MED13L: variants seen among roughly 807,000 people sequenced by gnomAD.
MED13L encodes the protein mediator of RNA polymerase II transcription subunit 13-like.
In MED13L, 7 loss-of-function variants were observed where a neutral mutation model predicts 220.9. That is an observed-to-expected ratio of 0.03 (90% CI 0.02 to 0.06). MED13L has a LOEUF of 0.06. Ranked by LOEUF, MED13L falls within the 10% of genes least tolerant of loss-of-function variation. The pLI is 1.00. For missense variants in MED13L, 1,965 were observed against 2,760.5 expected (o/e 0.71, Z 6.46); for synonymous variants, 1,011 against 1,015.2 (o/e 1.00, Z 0.08).
intron 4 of MED13L, among the ~76,000 whole-genome samples, chr12:116,033,157 G>A (rs1321330597): frequency 1.3e-5 from 2 of 151,968 alleles, no homozygotes; most frequent in East Asian, 3.9e-4. Context: ...ACTTTATAGA[G>A]GGGTTTGTTC....
chr12:116,104,918 C>A (rs748721647), intron 3 of MED13L, among the ~76,000 whole-genome samples: 3 of 152,198 alleles, frequency 2.0e-5, no homozygotes, highest in Admixed American at 6.5e-5. Flanking sequence ...GTACAAATCA[C>A]TGAAGCAATA....
In MED13L at chr12:116,007,031, G is replaced by C. The variant is rs547531154; in HGVS notation, c.2238+380C>G. The stretch of plus-strand genomic sequence containing the variant: ...GCTCAGCACAGTAAGGATAAGAAGC[G>C]CTCGATAAATTGTGTATACCTACTG... On this transcript the variant is annotated intron_variant, in intron 11 of 30. Transcript: ENST00000281928. 5.4e-4 allele frequency: 163 copies of C among 299,632 alleles called. 1 individual carries two copies. The highest frequency in any genetic ancestry group is 3.4e-3 in the African/African-American group (157 of 46,638). The allele number at this position is 299,632 out of a possible 1,614,324, so 18.6% of individuals were successfully genotyped here. A position where few individuals can be genotyped will look rare whatever the true frequency, so the allele number is the denominator to read the frequency against.
rs917350978 is a variant in MED13L, at chr12:116,189,352, A to AT, written c.310+48115dup. ...CCCATCTTCTAATTGGACTAGTTGG[A>AT]TTTTTTTTTAATACTTTGCGTTGAG... On this transcript the variant is annotated intron_variant, in intron 2 of 30. Transcript: ENST00000281928. 5.3e-5 allele frequency among the ~76,000 whole-genome samples: 8 copies of AT among 151,230 alleles called. No individual in the cohort carries two copies. The East Asian group carries it at 5.8e-4, about 11-fold the overall frequency.
At chr12:116,249,874 C>T (rs972726928) in intron 1 of MED13L, among the ~76,000 whole-genome samples, 1 of 150,300 alleles carries the variant, frequency 6.7e-6, no homozygotes, top group Non-Finnish European at 1.5e-5. Flanking sequence ...CAGTATCAGG[C>T]AATCTAACAT....
At chr12:116,102,599 G>C (rs1873147575) in intron 3 of MED13L, among the ~76,000 whole-genome samples, 1 of 149,828 alleles carries the variant, frequency 6.7e-6, no homozygotes, top group African/African-American at 2.5e-5. Flanking sequence ...CTCCTTCCTA[G>C]AAATTACAAT....
chr12:116,063,910 G>A (rs201663229), intron 4 of MED13L, among the ~76,000 whole-genome samples: 1 of 152,064 alleles, frequency 6.6e-6, no homozygotes, highest in Non-Finnish European at 1.5e-5. Flanking sequence ...TGGGCTGGGC[G>A]CATGGTTTGT....
At chr12:115,963,589 G>A in intron 29 of MED13L, 70 bp from the exon 30 acceptor site, 1 of 1,173,372 alleles carries the variant, frequency 8.5e-7, no homozygotes, top group South Asian at 1.3e-5. Flanking sequence ...GGGAGGCCAT[G>A]TCTGCCAGAA....
chr12:116,072,482 C>G (rs778195092), intron 4 of MED13L, among the ~76,000 whole-genome samples: 6 of 151,096 alleles, frequency 4.0e-5, no homozygotes, highest in Non-Finnish European at 8.8e-5. Flanking sequence ...GATGGAGTCT[C>G]GCTCTGCCGC....
chr12:116,210,879 T>C (rs1171393723), intron 2 of MED13L, among the ~76,000 whole-genome samples: 1 of 152,092 alleles, frequency 6.6e-6, no homozygotes, highest in Non-Finnish European at 1.5e-5. Flanking sequence ...CATTTATAAA[T>C]GAAAGCTCAC....
chr12:116,028,233 T>C (rs746941610), intron 4 of MED13L, among the ~76,000 whole-genome samples: 1 of 152,184 alleles, frequency 6.6e-6, no homozygotes, highest in Non-Finnish European at 1.5e-5. Context: ...AGATAAGGGG[T>C]TCTATGAATA....
intron 16 of MED13L, 111 bp downstream of exon 16, chr12:115,996,365 T>A (rs1239727946): frequency 3.2e-6 from 4 of 1,241,520 alleles, no homozygotes; most frequent in Non-Finnish European, 4.7e-6. Flanking sequence ...GTGCTGGGAT[T>A]ACAGGCATGA....
intron 4 of MED13L, among the ~76,000 whole-genome samples, chr12:116,048,494 T>C (rs897411003): frequency 3.9e-5 from 6 of 152,132 alleles, no homozygotes; most frequent in South Asian, 2.1e-4. Flanking sequence ...AATGAAGTGA[T>C]AGAAACTTAG....
chr12:116,047,899 T>C (rs1405466709), intron 4 of MED13L, among the ~76,000 whole-genome samples: 2 of 152,188 alleles, frequency 1.3e-5, no homozygotes, highest in Non-Finnish European at 2.9e-5. Flanking sequence ...AAAGGATAGA[T>C]GGAGTTAAGA....
chr12:116,050,900 G>A (rs568101539), intron 4 of MED13L, among the ~76,000 whole-genome samples: 1 of 152,084 alleles, frequency 6.6e-6, no homozygotes, highest in South Asian at 2.1e-4. Context: ...GATCATGCAC[G>A]CCAGCCTGGG....
At chr12:116,140,236 C>A (rs889697950) in intron 2 of MED13L, among the ~76,000 whole-genome samples, 1 of 152,030 alleles carries the variant, frequency 6.6e-6, no homozygotes, top group African/African-American at 2.4e-5. Flanking sequence ...AATATTTATG[C>A]GTGATTATTG....
intron 2 of MED13L, among the ~76,000 whole-genome samples, chr12:116,170,004 G>A (rs1879556184): frequency 6.6e-6 from 1 of 152,142 alleles, no homozygotes; most frequent in Non-Finnish European, 1.5e-5. Context: ...GCAGCAGAGT[G>A]AGACCCCGCC....
At chr12:115,999,230 T>C (rs868778568) in intron 14 of MED13L, among the ~76,000 whole-genome samples, 1 of 152,114 alleles carries the variant, frequency 6.6e-6, no homozygotes, top group African/African-American at 2.4e-5. Context: ...CTGGGCAATA[T>C]GGCGAAATCC....
At chr12:115,992,401 T>TC (rs958914663) in intron 16 of MED13L, among the ~76,000 whole-genome samples, 1 of 151,444 alleles carries the variant, frequency 6.6e-6, no homozygotes, top group African/African-American at 2.4e-5. Flanking sequence ...TTTTTGTCAT[T>TC]TTTTTTTTGA....
chr12:116,228,862 C>G (rs1869263374), intron 2 of MED13L, among the ~76,000 whole-genome samples: 1 of 151,994 alleles, frequency 6.6e-6, no homozygotes, highest in African/African-American at 2.4e-5. Context: ...AGAAATAAAA[C>G]TAAGAAAATA....
Sources: gnomAD v4.1 joint callset for allele counts (sites outside exome capture counted in the v4.1 genomes callset) on GRCh38, gnomAD v4.1.1 for gene constraint, MANE v1.5 for transcripts, NCBI Gene and HGNC (gene_info 2026-07-23, HGNC 2026-07-21) for gene names.